Variants in STXBP5L observed in about 807,000 individuals in gnomAD.
The protein encoded by STXBP5L is syntaxin binding protein 5L.
A neutral mutation model predicts 144.5 loss-of-function variants in STXBP5L; 65 were observed. The observed-to-expected ratio is 0.45, with a 90% CI of 0.37 to 0.55. The LOEUF (loss-of-function observed/expected upper bound fraction) is 0.55. STXBP5L is among the 20% of genes least tolerant of loss of function. The pLI is 0.00. For missense variants in STXBP5L, 1,298 were observed against 1,405.5 expected (o/e 0.92, Z 1.22); for synonymous variants, 505 against 469.6 (o/e 1.08, Z -0.97).
rs72964789 is a variant in STXBP5L at position 120,916,737 on chromosome 3, T to C, written c.189+6970T>C. ...TAGATGCAGATTTAATACCTGGATT[T>C]AGAAAGTAAAGATTGGAATTGAGAG... On this transcript the variant is annotated intron_variant, in intron 2 of 26. Coordinates refer to ENST00000471454, the MANE Select transcript of STXBP5L (RefSeq NM_001308330.2). Among the ~76,000 whole-genome samples the C allele has an allele frequency of 2.5e-3, 380 of 152,344 alleles. 2 individuals are homozygous for C. Among genetic ancestry groups the C allele is most frequent in the African/African-American group, 8.6e-3 (357 of 41,578 alleles).
intron 18 of STXBP5L, among the ~76,000 whole-genome samples, chr3:121,276,760 T>C (rs958475420): frequency 6.6e-6 from 1 of 151,912 alleles, no homozygotes; most frequent in African/African-American, 2.4e-5. Context: ...TCTGCCAGCT[T>C]TTAACATTTT....
rs987499957 is a variant in STXBP5L, at chr3:121,421,209, A to G, written c.*2112A>G. 2 of 152,146 alleles carry G rather than the reference A, an allele frequency of 1.3e-5. No homozygotes were observed. The highest frequency in any genetic ancestry group is 2.1e-4 in the South Asian group (1 of 4,824). 9.4% of individuals were successfully genotyped at this position (152,146 alleles called of 1,614,324 possible). On this transcript the variant is annotated 3_prime_UTR_variant, in exon 27 of 27. Transcript: ENST00000471454. ...AATACTTTATCGTTTCTGTATTTTA[A>G]AAAAAACTAAAAGAGTAAAATATTA... is the stretch of plus-strand genomic sequence containing the variant.
intron 7 of STXBP5L, among the ~76,000 whole-genome samples, chr3:121,122,859 A>G (rs1488350859): frequency 6.6e-6 from 1 of 151,508 alleles, no homozygotes; most frequent in Admixed American, 6.6e-5. Context: ...AATAAGAGAT[A>G]GGCAACAAAG....
chr3:121,042,832 G>T (rs1947252603), intron 4 of STXBP5L, among the ~76,000 whole-genome samples: 1 of 151,528 alleles, frequency 6.6e-6, no homozygotes, highest in African/African-American at 2.4e-5. Context: ...CTTGCTATGG[G>T]GTACTGAAAT....
chr3:121,259,020 T>G, intron 17 of STXBP5L, 23 bp from the exon 18 acceptor site: 1 of 1,583,568 alleles, frequency 6.3e-7, no homozygotes. Flanking sequence ...CTGTATATAA[T>G]AGGATTGTTT....
intron 20 of STXBP5L, among the ~76,000 whole-genome samples, chr3:121,372,722 A>G (rs2046069641): frequency 6.7e-6 from 1 of 150,200 alleles, no homozygotes; most frequent in African/African-American, 2.5e-5. Flanking sequence ...GGAGTGTGCC[A>G]GTCTCCCCAG....
At chr3:121,082,336 G>C (rs746218526) in intron 5 of STXBP5L, among the ~76,000 whole-genome samples, 2 of 151,882 alleles carry the variant, frequency 1.3e-5, no homozygotes, top group African/African-American at 4.8e-5. Context: ...TGTCATGTTA[G>C]ATCTATACCT....
intron 2 of STXBP5L, among the ~76,000 whole-genome samples, chr3:120,934,204 C>T (rs1426592601): frequency 6.6e-6 from 1 of 151,234 alleles, no homozygotes; most frequent in Non-Finnish European, 1.5e-5. Flanking sequence ...TGTCTTGAGG[C>T]ATGTTAAGAT....
chr3:121,336,351 G>T (rs757644644), intron 20 of STXBP5L, among the ~76,000 whole-genome samples: 8 of 152,200 alleles, frequency 5.3e-5, no homozygotes, highest in Non-Finnish European at 1.2e-4. Flanking sequence ...ACAAAATTTA[G>T]CTGGGAGCAG....
Position 121,387,279 on chromosome 3 carries a change from G to A in STXBP5L, c.2587+5747G>A, listed in dbSNP as rs531480928. Among the ~76,000 whole-genome samples, 25 of 152,192 alleles carry A rather than the reference G, an allele frequency of 1.6e-4. 1 individual carries two copies. The highest frequency in any genetic ancestry group is 1.4e-3 in the Admixed American group (22 of 15,264). ...TTGGTTTTTTAGTGTAAATTTGTTT[G>A]AGTTCTTTGTAGATTCTGGATATTA... On this transcript the variant is annotated intron_variant, in intron 22 of 26. Transcript: ENST00000471454.
chr3:121,202,818 A>AT (rs377702346), intron 9 of STXBP5L, among the ~76,000 whole-genome samples: 33 of 149,642 alleles, frequency 2.2e-4, no homozygotes, highest in African/African-American at 5.1e-4. Context: ...AAGGTGTTTT[A>AT]TTTTTTTTTC....
At chr3:121,106,816 C>T (rs930109349) in intron 5 of STXBP5L, among the ~76,000 whole-genome samples, 3 of 152,068 alleles carry the variant, frequency 2.0e-5, no homozygotes, top group African/African-American at 7.2e-5. Flanking sequence ...GAGGAATTGT[C>T]ACACTGTCTT....
chr3:121,313,214 G>C (rs1180851811), intron 19 of STXBP5L, among the ~76,000 whole-genome samples: 4 of 140,876 alleles, frequency 2.8e-5, no homozygotes, highest in African/African-American at 1.1e-4. Context: ...CCGGAAGGGG[G>C]GCTGACCCCC....
At chr3:121,035,603 C>T (rs1225921654) in intron 3 of STXBP5L, among the ~76,000 whole-genome samples, 10 of 152,048 alleles carry the variant, frequency 6.6e-5, no homozygotes, top group African/African-American at 2.4e-4. Context: ...GTTTGGGTTA[C>T]TGTAGCTTTG....
chr3:121,371,693 T>C (rs566304579), intron 20 of STXBP5L, among the ~76,000 whole-genome samples: 53 of 152,298 alleles, frequency 3.5e-4, no homozygotes, highest in Admixed American at 1.3e-3. Flanking sequence ...GGTGGTGTTA[T>C]CATGGGAGCA....
chr3:121,355,159 T>C (rs1169656714), intron 20 of STXBP5L, among the ~76,000 whole-genome samples: 2 of 152,208 alleles, frequency 1.3e-5, no homozygotes, highest in Admixed American at 1.3e-4. Flanking sequence ...CTGACAATTA[T>C]GTTCCTTGGG....
intron 5 of STXBP5L, among the ~76,000 whole-genome samples, chr3:121,056,878 A>G (rs1194281568): frequency 6.6e-6 from 1 of 151,566 alleles, no homozygotes; most frequent in African/African-American, 2.4e-5. Flanking sequence ...ATATATAGAG[A>G]GAATATCATA....
At chr3:121,059,834 TTTGCTTAAG>T (rs1468834055) in intron 5 of STXBP5L, among the ~76,000 whole-genome samples, 4 of 152,206 alleles carry the variant, frequency 2.6e-5, no homozygotes, top group African/African-American at 7.2e-5. Context: ...ATTCTGAGAC[TTTGCTTAAG>T]TTGCTTATCA....
At chr3:121,225,896 G>T (rs2049108067) in intron 11 of STXBP5L, among the ~76,000 whole-genome samples, 1 of 152,196 alleles carries the variant, frequency 6.6e-6, no homozygotes. Context: ...GACTTCTCAG[G>T]TTGGTATAAA....
Sources: gnomAD v4.1 joint callset for allele counts (sites outside exome capture counted in the v4.1 genomes callset) on GRCh38, gnomAD v4.1.1 for gene constraint, MANE v1.5 for transcripts, NCBI Gene and HGNC (gene_info 2026-07-23, HGNC 2026-07-21) for gene names.